SMAD6: variants seen among roughly 807,000 people sequenced by gnomAD.
SMAD6 encodes SMAD family member 6, also known as MAD homolog 6.
In SMAD6, 103 loss-of-function variants were observed where a neutral mutation model predicts 39.4. The ratio of observed to expected loss-of-function variants is 2.62; its 90% confidence interval spans 2.23 to 3.08. SMAD6 has a LOEUF of 3.08. Ranked by LOEUF, SMAD6 falls within the 30% of genes most tolerant of loss-of-function variation. SMAD6 has a pLI of 0.00. For synonymous variants in SMAD6, 445 were observed against 353.3 expected, an observed-to-expected ratio of 1.26 and a Z score of -2.91; for missense variants, 1,104 against 742.9, an observed-to-expected ratio of 1.49 and a Z score of -5.65.
At chr15:66,723,640 G>C (rs546291400) in intron 3 of SMAD6, among the ~76,000 whole-genome samples, 1 of 152,258 alleles carries the variant, frequency 6.6e-6, no homozygotes, top group Non-Finnish European at 1.5e-5. Context: ...ACTGCACTCT[G>C]ATCCAACCTG....
intron 3 of SMAD6, among the ~76,000 whole-genome samples, chr15:66,721,644 C>T (rs998892588): frequency 6.6e-6 from 1 of 152,166 alleles, no homozygotes; most frequent in Non-Finnish European, 1.5e-5. Flanking sequence ...AACAACATAT[C>T]CCTAGTGGTG....
rs554980660 is a variant in SMAD6 at position 66,781,372 on chromosome 15, G to C, written c.1328G>C (p.Arg443Pro). ...GYSIKVFDFERSGLQHAPEPD... is the reference protein window; with the variant it reads ...GYSIKVFDFEPSGLQHAPEPD... Reference sequence around the variant, plus strand: ...TCCATCAAGGTGTTCGACTTCGAGCGCTCGGGCCTGCAGCACGCGCCCGAG... The same window carrying C: ...TCCATCAAGGTGTTCGACTTCGAGCCCTCGGGCCTGCAGCACGCGCCCGAG... Residue 443 changes from arginine (R) to proline (P), a missense_variant, in exon 4 of 4, where the codon CGC becomes CCC. Arg to Pro is a moderately radical substitution (Grantham distance 103, BLOSUM62 -2). Coordinates refer to ENST00000288840, the MANE Select transcript of SMAD6 (RefSeq NM_005585.5). The C allele has an allele frequency of 2.5e-6, 4 of 1,600,326 alleles. No homozygotes were observed. Among genetic ancestry groups the C allele is most frequent in the African/African-American group, 1.3e-5 (1 of 74,752 alleles).
chr15:66,775,805 G>A (rs765875726), intron 3 of SMAD6, among the ~76,000 whole-genome samples: 2 of 152,246 alleles, frequency 1.3e-5, no homozygotes, highest in Non-Finnish European at 2.9e-5. Context: ...GGCCGTGGGA[G>A]ATGGCAGTAC....
chr15:66,737,010 C>T (rs764635642), intron 3 of SMAD6, among the ~76,000 whole-genome samples: 12 of 152,346 alleles, frequency 7.9e-5, no homozygotes, highest in Middle Eastern at 3.4e-3. Context: ...ATCTAACATG[C>T]ACCCAGGGCC....
At position 66,782,231 on chromosome 15, in the gene SMAD6, A is replaced by AAGG. The variant is rs10665907; in HGVS notation, c.*698_*699insGAG. 270,495 of 279,724 alleles carry AAGG rather than the reference A, an allele frequency of 0.97. 130,915 individuals carry two copies. Among genetic ancestry groups the AAGG allele is most frequent in the East Asian group, 1 (15,125 of 15,126 alleles). 17.3% of individuals were successfully genotyped at this position (279,724 alleles called of 1,614,324 possible). A position where few individuals can be genotyped will look rare whatever the true frequency, so the allele number is the denominator to read the frequency against. ...AGTGGATAGGGATGGCGGTGGGGAA[A>AAGG]AGAATACACTGGCCATTTATCCTGG... On this transcript the variant is annotated 3_prime_UTR_variant, in exon 4 of 4. Transcript: ENST00000288840.
In SMAD6 at chr15:66,741,384, TA is replaced by T. The variant is rs1893813082; in HGVS notation, c.952+24887del. Among the ~76,000 whole-genome samples, 3 of 152,258 alleles carry T rather than the reference TA, an allele frequency of 2.0e-5. No individual in the cohort carries two copies. In the South Asian group the frequency reaches 6.2e-4, roughly 31 times the overall value. ...GGATTGCCGAGGGGCTTCGCCTCTGTAGCAGACCCTGCTCTTAGGTGGGGAA... is the reference window on the plus strand; with the variant it reads ...GGATTGCCGAGGGGCTTCGCCTCTGTGCAGACCCTGCTCTTAGGTGGGGAA... On this transcript the variant is annotated intron_variant, in intron 3 of 3. Transcript: ENST00000288840.
chr15:66,751,564 C>G (rs970639787), intron 3 of SMAD6, among the ~76,000 whole-genome samples: 1 of 152,210 alleles, frequency 6.6e-6, no homozygotes, highest in African/African-American at 2.4e-5. Context: ...CCCTGGCCTC[C>G]TGAGCCCCTA....
intron 3 of SMAD6, among the ~76,000 whole-genome samples, chr15:66,731,675 G>T (rs1393027097): frequency 6.6e-6 from 1 of 152,032 alleles, no homozygotes; most frequent in Non-Finnish European, 1.5e-5. Context: ...CAGTTTTTTT[G>T]GCTACAAAGG....
chr15:66,755,651 A>G (rs971095027), intron 3 of SMAD6, among the ~76,000 whole-genome samples: 2 of 152,154 alleles, frequency 1.3e-5, no homozygotes, highest in African/African-American at 2.4e-5. Flanking sequence ...CACTGCAGCT[A>G]TCTGCTTACC....
At position 66,747,325 on chromosome 15, in the gene SMAD6, G is replaced by A. The variant is rs558963903; in HGVS notation, c.952+30827G>A. ...ACCACACCTGCCCTTCCCCATGAGC[G>A]CCTTACCTGCCGGTGCTAAGGAGCC... On this transcript the variant is annotated intron_variant, in intron 3 of 3. Transcript: ENST00000288840. This position sits in a 1 kb window ranked among gnomAD's most constrained non-coding sequence, Gnocchi z 4.5. Among the ~76,000 whole-genome samples the A allele has an allele frequency of 3.9e-5, 6 of 152,346 alleles. No individual in the cohort carries two copies. Among genetic ancestry groups the A allele is most frequent in the African/African-American group, 1.4e-4 (6 of 41,582 alleles).
In SMAD6 at chr15:66,775,875, G is replaced by GACCTCACA. The variant is rs535368688; in HGVS notation, c.953-5121_953-5120insCCTCACAA. 4.7e-4 allele frequency among the ~76,000 whole-genome samples: 71 copies of GACCTCACA among 152,346 alleles called. No individual in the cohort carries two copies. The South Asian group carries it at 8.3e-3, about 18-fold the overall frequency. On this transcript the variant is annotated intron_variant, in intron 3 of 3. Transcript: ENST00000288840. ...TCTGTAAGAGACTGTCCCCTCACCT[G>GACCTCACA]AGTGGCAGCCCAGGCTTGTGACTGA...
chr15:66,766,984 G>A (rs185100098), intron 3 of SMAD6, among the ~76,000 whole-genome samples: 69 of 152,340 alleles, frequency 4.5e-4, no homozygotes, highest in African/African-American at 1.6e-3. Context: ...CTGTGTTGGT[G>A]TTAGTCACAC....
intron 3 of SMAD6, chr15:66,717,684 C>T: frequency 2.9e-6 from 1 of 342,984 alleles, no homozygotes; most frequent in Non-Finnish European, 5.9e-6. Context: ...AAGAGTATGA[C>T]TGTTGCAGAG....
intron 1 of SMAD6, among the ~76,000 whole-genome samples, chr15:66,709,372 G>A (rs7183873): frequency 0.32 from 48,523 of 152,092 alleles, 8,459 homozygotes; most frequent in East Asian, 0.44. Context: ...ACTCAGCTAT[G>A]GCCATGGGTA....
chr15:66,704,141 C>G (rs1434025032), intron 1 of SMAD6, 66 bp downstream of exon 1: 104 of 1,208,524 alleles, frequency 8.6e-5, no homozygotes, highest in Non-Finnish European at 9.5e-5. Context: ...GTGCCCTTCT[C>G]TCTGTGACAC....
intron 3 of SMAD6, among the ~76,000 whole-genome samples, chr15:66,727,860 T>G (rs1893550505): frequency 6.6e-6 from 1 of 152,196 alleles, no homozygotes; most frequent in Non-Finnish European, 1.5e-5. Flanking sequence ...AGCATTCTTT[T>G]TTTTTTTTAG....
chr15:66,716,919 G>A, intron 3 of SMAD6: 1 of 1,188,216 alleles, frequency 8.4e-7, no homozygotes, highest in South Asian at 1.3e-5. Context: ...AGAAGATTGG[G>A]GGAATTGGAG....
At chr15:66,714,104 C>G (rs1461752470) in intron 2 of SMAD6, among the ~76,000 whole-genome samples, 3 of 152,190 alleles carry the variant, frequency 2.0e-5, no homozygotes, top group Non-Finnish European at 4.4e-5. Flanking sequence ...AAAAAACCCT[C>G]AAAAGTTCTT....
chr15:66,714,889 GTTCACTA>G (rs1893297817), intron 2 of SMAD6, among the ~76,000 whole-genome samples: 2 of 152,194 alleles, frequency 1.3e-5, no homozygotes, highest in Non-Finnish European at 2.9e-5. Flanking sequence ...CTGTAAGGCA[GTTCACTA>G]AGAAATAGGA....
Sources: gnomAD v4.1 joint callset for allele counts (sites outside exome capture counted in the v4.1 genomes callset) on GRCh38, gnomAD v4.1.1 for gene constraint, Gnocchi (gnomAD v3.1) non-coding constraint, MANE v1.5 for transcripts, NCBI Gene and HGNC (gene_info 2026-07-23, HGNC 2026-07-21) for gene names.